Variants in CEP128 observed in about 807,000 individuals in gnomAD.
The protein encoded by CEP128 is centrosomal protein 128kDa.
In CEP128, 132 loss-of-function variants were observed where a neutral mutation model predicts 156.7. That is an observed-to-expected ratio of 0.84 (90% CI 0.73 to 0.97). CEP128 has a LOEUF of 0.97. CEP128 is among the 50% of genes least tolerant of loss of function. The pLI, the probability that CEP128 is intolerant of heterozygous loss-of-function variation, is 0.00. For synonymous variants in CEP128, 469 were observed against 448.9 expected (o/e 1.04, Z -0.57); for missense variants, 1,252 against 1,281.9 (o/e 0.98, Z 0.36).
At chr14:80,789,020 T>C (rs578073303) in intron 14 of CEP128, among the ~76,000 whole-genome samples, 470 of 152,246 alleles carry the variant, frequency 3.1e-3, no homozygotes, top group Non-Finnish European at 5.6e-3. Flanking sequence ...GAGGTAACCA[T>C]GAATACTATG....
Position 80,928,748 on chromosome 14 carries a change from T to C in CEP128, c.-16+10637A>G, listed in dbSNP as rs533305378. On this transcript the variant is annotated intron_variant, in intron 2 of 24. Transcript: ENST00000555265. The stretch of plus-strand genomic sequence containing the variant: ...TAATTAACTCGAGATGGATTAAAGA[T>C]TTAAATCTAAGACCTAAACCTATAA... Among the ~76,000 whole-genome samples, 3 of 152,170 alleles carry C rather than the reference T, an allele frequency of 2.0e-5. No homozygotes were observed. In the South Asian group the frequency reaches 6.2e-4, roughly 32 times the overall value.
chr14:80,669,328 TTATAAGCTTCTG>T (rs747637940), intron 19 of CEP128, among the ~76,000 whole-genome samples: 8 of 152,122 alleles, frequency 5.3e-5, no homozygotes, highest in Non-Finnish European at 4.4e-5. Context: ...GGGACTTAAT[TTATAAGCTTCTG>T]TACAGCATAA....
chr14:80,876,668 T>C (rs780480340), intron 8 of CEP128, among the ~76,000 whole-genome samples: 1 of 141,890 alleles, frequency 7.0e-6, no homozygotes, highest in Non-Finnish European at 1.5e-5. Flanking sequence ...CCCCAAATGA[T>C]TAAATTTCTT....
chr14:80,925,605 T>C (rs1885103028), intron 2 of CEP128, among the ~76,000 whole-genome samples: 1 of 152,102 alleles, frequency 6.6e-6, no homozygotes, highest in Admixed American at 6.5e-5. Context: ...TGGTTTTTTT[T>C]TTCTCCAAGA....
chr14:80,776,689 G>C (rs934623890), intron 16 of CEP128, among the ~76,000 whole-genome samples: 3 of 151,816 alleles, frequency 2.0e-5, no homozygotes, highest in African/African-American at 7.3e-5. Flanking sequence ...TTTCATCATA[G>C]ATTTAAGTAA....
chr14:80,653,453 G>A (rs1894997920), intron 19 of CEP128, among the ~76,000 whole-genome samples: 1 of 152,172 alleles, frequency 6.6e-6, no homozygotes, highest in African/African-American at 2.4e-5. Flanking sequence ...TCTGCAGCAA[G>A]TTATCCAGAA....
At chr14:80,537,610 C>T (rs2034701688) in intron 21 of CEP128, among the ~76,000 whole-genome samples, 2 of 152,170 alleles carry the variant, frequency 1.3e-5, no homozygotes. Flanking sequence ...GTAATCACTT[C>T]ATTTCTTAAA....
intron 13 of CEP128, among the ~76,000 whole-genome samples, chr14:80,810,173 A>C (rs977689403): frequency 6.6e-5 from 10 of 151,630 alleles, no homozygotes; most frequent in African/African-American, 2.4e-4. Context: ...AATACAAAAA[A>C]TAAGCCGGGC....
intron 13 of CEP128, among the ~76,000 whole-genome samples, chr14:80,803,347 C>T (rs1413307486): frequency 9.5e-6 from 1 of 105,454 alleles, no homozygotes; most frequent in African/African-American, 3.8e-5. Context: ...AAAACAACAG[C>T]CCTATGTTAA....
intron 2 of CEP128, among the ~76,000 whole-genome samples, chr14:80,917,865 C>G (rs1021267783): frequency 7.9e-5 from 12 of 152,126 alleles, no homozygotes; most frequent in Non-Finnish European, 1.8e-4. Context: ...AACAAGAACT[C>G]TTGCCATAAG....
At chr14:80,530,538 C>A (rs952571211) in intron 22 of CEP128, among the ~76,000 whole-genome samples, 1 of 152,146 alleles carries the variant, frequency 6.6e-6, no homozygotes, top group Non-Finnish European at 1.5e-5. Context: ...TTAGGCTTTT[C>A]TAAATTATCA....
intron 19 of CEP128, among the ~76,000 whole-genome samples, chr14:80,727,932 C>T (rs999140621): frequency 6.6e-6 from 1 of 152,152 alleles, no homozygotes; most frequent in Non-Finnish European, 1.5e-5. Context: ...ATTAGTTCAG[C>T]CACTGTGGTA....
chr14:80,902,568 T>C (rs895262863), intron 6 of CEP128, among the ~76,000 whole-genome samples: 3 of 152,150 alleles, frequency 2.0e-5, no homozygotes, highest in Non-Finnish European at 2.9e-5. Flanking sequence ...CCCCCAGCCC[T>C]TTTCTATTTA....
intron 19 of CEP128, among the ~76,000 whole-genome samples, chr14:80,609,089 T>C (rs1287244444): frequency 1.3e-5 from 2 of 152,212 alleles, no homozygotes; most frequent in Admixed American, 6.5e-5. Context: ...AGAGACATAC[T>C]AATGATACTG....
At chr14:80,777,372 G>A (rs8011273) in intron 16 of CEP128, among the ~76,000 whole-genome samples, 99,480 of 151,964 alleles carry the variant, frequency 0.65, 32,977 homozygotes, top group East Asian at 0.79. Flanking sequence ...TGAACCAAAA[G>A]GCATGCCCTC....
At chr14:80,807,707 G>A (rs1189867893) in intron 13 of CEP128, among the ~76,000 whole-genome samples, 1 of 152,192 alleles carries the variant, frequency 6.6e-6, no homozygotes, top group African/African-American at 2.4e-5. Context: ...CATCCCGTAA[G>A]GGCCCTGCAC....
intron 19 of CEP128, among the ~76,000 whole-genome samples, chr14:80,690,019 A>AC (rs1159865778): frequency 6.6e-6 from 1 of 152,094 alleles, no homozygotes; most frequent in East Asian, 1.9e-4. Context: ...AATCTTGAAA[A>AC]TATCAACCAT....
intron 19 of CEP128, among the ~76,000 whole-genome samples, chr14:80,607,041 A>G (rs887154384): frequency 1.2e-4 from 18 of 151,642 alleles, no homozygotes; most frequent in African/African-American, 4.3e-4. Flanking sequence ...TACGATACAC[A>G]CATATACATA....
chr14:80,819,468 G>T (rs1044989286), intron 13 of CEP128, among the ~76,000 whole-genome samples: 1 of 151,786 alleles, frequency 6.6e-6, no homozygotes, highest in Admixed American at 6.6e-5. Context: ...GGATGGTTTC[G>T]ATCTCCTGAC....
Sources: allele counts gnomAD v4.1 joint callset (sites outside exome capture counted in the v4.1 genomes callset), GRCh38; gene constraint gnomAD v4.1.1; transcripts MANE v1.5; gene names NCBI Gene and HGNC (gene_info 2026-07-23, HGNC 2026-07-21).